Variants in HCRTR2 observed in about 807,000 individuals in gnomAD.
The protein encoded by HCRTR2 is orexin receptor type 2.
A neutral mutation model predicts 49.0 loss-of-function variants in HCRTR2; 22 were observed. The ratio of observed to expected loss-of-function variants is 0.45; its 90% CI spans 0.32 to 0.64. The LOEUF (loss-of-function observed/expected upper bound fraction) is 0.64. Among genes scored for constraint, HCRTR2 ranks in the 30% least tolerant of loss-of-function variants. HCRTR2 has a pLI of 0.04. For missense variants in HCRTR2, 491 were observed against 559.4 expected (o/e 0.88, Z 1.23); for synonymous variants, 236 against 205.3 (o/e 1.15, Z -1.28).
At chr6:55,193,572 C>G (rs1765358142) in intron 1 of HCRTR2, among the ~76,000 whole-genome samples, 1 of 149,556 alleles carries the variant, frequency 6.7e-6, no homozygotes, top group Non-Finnish European at 1.5e-5. Context: ...AAGCATCAAA[C>G]CTTGGGATTT....
chr6:55,118,324 A>G (rs1764148657), intron 1 of HCRTR2, among the ~76,000 whole-genome samples: 1 of 151,910 alleles, frequency 6.6e-6, no homozygotes, highest in Non-Finnish European at 1.5e-5. Flanking sequence ...GGTTCACTCC[A>G]TGTCTTTGCT....
chr6:55,118,043 T>C (rs1764143009), intron 1 of HCRTR2, among the ~76,000 whole-genome samples: 1 of 151,766 alleles, frequency 6.6e-6, no homozygotes, highest in Non-Finnish European at 1.5e-5. Context: ...CCTGATCCTG[T>C]CCCTCCTCTC....
chr6:55,118,585 T>C (rs10434833), intron 1 of HCRTR2, among the ~76,000 whole-genome samples: 46,796 of 151,694 alleles, frequency 0.31, 9,264 homozygotes, highest in East Asian at 0.79. Flanking sequence ...TTTTTAATAA[T>C]AGCCATTCTC....
intron 4 of HCRTR2, among the ~76,000 whole-genome samples, chr6:55,271,153 A>G (rs1766965447): frequency 6.6e-6 from 1 of 152,172 alleles, no homozygotes; most frequent in Admixed American, 6.5e-5. Flanking sequence ...CTTAACAAAA[A>G]GCCACAGTAA....
chr6:55,242,802 AG>A (rs1167743448), intron 1 of HCRTR2, among the ~76,000 whole-genome samples: 8 of 152,362 alleles, frequency 5.3e-5, no homozygotes, highest in Non-Finnish European at 1.2e-4. Context: ...ACAATCTGTA[AG>A]ATACTAAAAC....
intron 1 of HCRTR2, among the ~76,000 whole-genome samples, chr6:55,190,064 G>A (rs1314519823): frequency 6.6e-6 from 1 of 152,098 alleles, no homozygotes; most frequent in Non-Finnish European, 1.5e-5. Flanking sequence ...AATAGATACA[G>A]TTTATGTGAA....
At chr6:55,133,683 A>ATCTATCTATCTT (rs1764392749) in intron 1 of HCRTR2, among the ~76,000 whole-genome samples, 1 of 149,802 alleles carries the variant, frequency 6.7e-6, no homozygotes, top group Non-Finnish European at 1.5e-5. Context: ...CTATCTATCT[A>ATCTATCTATCTT]TCTATCTATC....
At chr6:55,205,655 AAAG>A (rs967573670) in intron 1 of HCRTR2, among the ~76,000 whole-genome samples, 73 of 152,202 alleles carry the variant, frequency 4.8e-4, no homozygotes, top group African/African-American at 1.7e-3. Context: ...AAAAATAAAA[AAAG>A]AAGGAGAAAT....
In HCRTR2 at chr6:55,248,833, G is replaced by T. The variant is rs577259430; in HGVS notation, c.402+16G>T. ...TTATCTACAGGTAATTGTTTTTAAT[G>T]CTTTTTTGAAGCTACTAAAAAGAAT... On this transcript the variant is annotated intron_variant, in intron 2 of 6. Coordinates refer to ENST00000370862, the MANE Select transcript of HCRTR2 (RefSeq NM_001384272.1). 6.8e-6 allele frequency: 11 copies of T among 1,607,764 alleles called. No individual in the cohort carries two copies. In the Admixed American group the frequency reaches 1.8e-4, roughly 27 times the overall value.
chr6:55,261,565 G>A (rs1004389234), intron 3 of HCRTR2, among the ~76,000 whole-genome samples: 11 of 151,972 alleles, frequency 7.2e-5, no homozygotes, highest in East Asian at 5.8e-4. Context: ...CCTGTAATTG[G>A]TGTCTGGCCA....
intron 1 of HCRTR2, among the ~76,000 whole-genome samples, chr6:55,216,553 A>G (rs1194359148): frequency 6.6e-6 from 1 of 152,194 alleles, no homozygotes; most frequent in African/African-American, 2.4e-5. Flanking sequence ...ATGGTCCCCA[A>G]GCAACTCTTT....
intron 1 of HCRTR2, 91 bp from the exon 2 acceptor site, chr6:55,248,548 A>G: frequency 9.4e-7 from 1 of 1,059,046 alleles, no homozygotes; most frequent in Non-Finnish European, 1.5e-6. Flanking sequence ...TTAAATACAT[A>G]TTTGTGGACT....
chr6:55,173,860 C>A (rs1380167597), upstream of HCRTR2, among the ~76,000 whole-genome samples: 1 of 152,186 alleles, frequency 6.6e-6, no homozygotes. Flanking sequence ...GTCTTAAAGA[C>A]TCGGCAAGTA....
At chr6:55,187,902 G>A (rs949144062) in intron 1 of HCRTR2, among the ~76,000 whole-genome samples, 2 of 151,508 alleles carry the variant, frequency 1.3e-5, no homozygotes, top group Admixed American at 6.6e-5. Flanking sequence ...TCAGCCTCCC[G>A]AGTAGCTGGG....
intron 1 of HCRTR2, among the ~76,000 whole-genome samples, chr6:55,154,458 G>A (rs1330113890): frequency 6.6e-6 from 1 of 151,700 alleles, no homozygotes; most frequent in Non-Finnish European, 1.5e-5. Context: ...AGGACGCAAG[G>A]ATAAGTCAAC....
intron 1 of HCRTR2, among the ~76,000 whole-genome samples, chr6:55,239,862 C>T (rs927967708): frequency 6.6e-6 from 1 of 151,230 alleles, no homozygotes; most frequent in Non-Finnish European, 1.5e-5. Context: ...ACTGCAACCC[C>T]CGCCTCCCGG....
At chr6:55,190,130 C>A (rs1765291462) in intron 1 of HCRTR2, among the ~76,000 whole-genome samples, 1 of 152,206 alleles carries the variant, frequency 6.6e-6, no homozygotes, top group South Asian at 2.1e-4. Context: ...GAATGTAAAT[C>A]TCTTAATGTG....
At chr6:55,208,668 G>A (rs528351485) in intron 1 of HCRTR2, among the ~76,000 whole-genome samples, 1 of 152,222 alleles carries the variant, frequency 6.6e-6, no homozygotes, top group African/African-American at 2.4e-5. Flanking sequence ...TGTGGATGAA[G>A]TTACACCTCA....
rs192393767 is a variant in HCRTR2 at position 55,197,572 on chromosome 6, A to G, written c.223+22762A>G. On this transcript the variant is annotated intron_variant, in intron 1 of 6. Transcript: ENST00000370862. ...CTCAGACCTAACTCTACATCTAATT[A>G]TAACCCAAACCCCAGGCTGCTACTT... 2.5e-3 allele frequency among the ~76,000 whole-genome samples: 387 copies of G among 152,274 alleles called. 1 individual carries two copies. Among genetic ancestry groups the G allele is most frequent in the African/African-American group, 7.7e-3 (321 of 41,546 alleles).
Sources: allele counts gnomAD v4.1 joint callset (sites outside exome capture counted in the v4.1 genomes callset), GRCh38; gene constraint gnomAD v4.1.1; transcripts MANE v1.5; gene names NCBI Gene and HGNC (gene_info 2026-07-23, HGNC 2026-07-21).